KLHDC4: variants seen among roughly 807,000 people sequenced by gnomAD.
KLHDC4 encodes kelch domain containing 4, also known as kelch domain-containing protein 4.
Under a neutral mutation model 62.4 loss-of-function variants are expected in KLHDC4, and 90 were observed. The ratio of observed to expected loss-of-function variants is 1.44; its 90% CI spans 1.22 to 1.72. KLHDC4 has a LOEUF of 1.72. Ranked by LOEUF, KLHDC4 falls within the 40% of genes most tolerant of loss-of-function variation. The pLI is 0.00. For synonymous variants in KLHDC4, 386 were observed against 284.4 expected (o/e 1.36, Z -3.59); for missense variants, 1,025 against 699.7 (o/e 1.47, Z -5.25).
chr16:87,709,197 C>T lies in KLHDC4; in HGVS notation c.1447+68G>A, dbSNP rs530248531. The T allele has an allele frequency of 1.1e-5, 17 of 1,539,298 alleles. No individual in the cohort carries two copies. In the East Asian group the frequency reaches 1.4e-4, roughly 12 times the overall value. ...CTGGGCAGCTTGCAGGGCTTGCTTT[C>T]GAGGGACGCGACACACGACCGTGGG... On this transcript the variant is annotated intron_variant, in intron 10 of 11. Coordinates refer to ENST00000270583, the MANE Select transcript of KLHDC4 (RefSeq NM_017566.4).
intron 7 of KLHDC4, among the ~76,000 whole-genome samples, chr16:87,718,712 T>A (rs1422677267): frequency 6.9e-6 from 1 of 144,464 alleles, no homozygotes; most frequent in South Asian, 2.3e-4. Context: ...GGAGCCCCTC[T>A]GCCCGGCTGC....
Position 87,762,013 on chromosome 16 carries a change from A to G in KLHDC4, c.127T>C (p.Phe43Leu). Residue 43 changes from phenylalanine to leucine, a missense_variant, in exon 2 of 12, where the codon TTC becomes CTC. Physicochemically the swap from Phe to Leu is conservative, Grantham distance 22. Transcript: ENST00000270583. ...EEDLEALIAHFQTLDAKRTQT... is the reference protein window; with the variant it reads ...EEDLEALIAHLQTLDAKRTQT... ...GTCCTCTTGGCATCGAGTGTCTGGAAATGGGCTATGAGCGCTTCCAGGTCT... is the reference window on the plus strand; with the variant it reads ...GTCCTCTTGGCATCGAGTGTCTGGAGATGGGCTATGAGCGCTTCCAGGTCT... 6.2e-7 allele frequency: 1 copy of G among 1,613,992 alleles called. No individual in the cohort carries two copies. Among genetic ancestry groups the G allele is most frequent in the Non-Finnish European group, 8.5e-7 (1 of 1,179,954 alleles).
downstream of KLHDC4, among the ~76,000 whole-genome samples, chr16:87,704,943 G>C (rs958689020): frequency 6.6e-6 from 1 of 152,152 alleles, no homozygotes; most frequent in South Asian, 2.1e-4. Flanking sequence ...GGAGCATGGA[G>C]AACAAGACGA....
In KLHDC4 at chr16:87,708,039, G is replaced by A. The variant is rs1426978483; in HGVS notation, c.*38C>T. ...ACGGCTGGGTCCTGGGCGGACGTGG[G>A]CACAGCACTTGCCAGGCGCCCCTGG... is the stretch of plus-strand genomic sequence containing the variant. On this transcript the variant is annotated 3_prime_UTR_variant, in exon 12 of 12. Transcript: ENST00000270583. The A allele has an allele frequency of 1.9e-6, 1 of 526,146 alleles. No homozygotes were observed. The highest frequency in any genetic ancestry group is 2.2e-5 in the Admixed American group (1 of 44,464). The allele number at this position is 526,146 out of a possible 1,614,324, so 32.6% of individuals were successfully genotyped here. A position where few individuals can be genotyped will look rare whatever the true frequency, so the allele number is the denominator to read the frequency against.
intron 5 of KLHDC4, among the ~76,000 whole-genome samples, chr16:87,747,262 T>TGA (rs200277229): frequency 0.027 from 4,145 of 152,234 alleles, 187 homozygotes; most frequent in African/African-American, 0.094. Context: ...CACAGAGACT[T>TGA]CACTCTCCTC....
At chr16:87,730,097 G>A (rs73244215) in intron 6 of KLHDC4, among the ~76,000 whole-genome samples, 10,297 of 152,244 alleles carry the variant, frequency 0.068, 425 homozygotes, top group South Asian at 0.16. Context: ...GAGATTACAG[G>A]CACCTGCCAC....
intron 3 of KLHDC4, chr16:87,755,738 T>A (rs985368916): frequency 5.6e-6 from 1 of 180,006 alleles, no homozygotes; most frequent in Non-Finnish European, 1.2e-5. Context: ...CTAATTTTTG[T>A]ATCGTTAGCA....
exon 1 of KLHDC4, chr16:87,702,324 G>A (rs1420462640): frequency 4.4e-6 from 2 of 455,728 alleles, no homozygotes; most frequent in African/African-American, 4.0e-5. Context: ...AGGCCCTGGG[G>A]TCAGGCTGAG....
intron 5 of KLHDC4, among the ~76,000 whole-genome samples, chr16:87,741,115 A>T (rs1487165139): frequency 6.6e-6 from 1 of 152,210 alleles, no homozygotes; most frequent in Non-Finnish European, 1.5e-5. Flanking sequence ...GGAGAAGATG[A>T]GGGACTGTTA....
At chr16:87,748,013 C>T (rs183227965) in intron 5 of KLHDC4, among the ~76,000 whole-genome samples, 5 of 152,320 alleles carry the variant, frequency 3.3e-5, no homozygotes, top group Non-Finnish European at 7.4e-5. Context: ...TAGAAGGACA[C>T]TAACAACTCT....
rs548441340 is a variant in KLHDC4 at position 87,745,854 on chromosome 16, G to A, written c.506+2819C>T. Among the ~76,000 whole-genome samples, 17 of 152,302 alleles carry A rather than the reference G, an allele frequency of 1.1e-4. No individual in the cohort carries two copies. The East Asian group carries it at 2.3e-3, about 21-fold the overall frequency. ...CATCTCCTGCAGACCATTTGTCACC[G>A]CTGTGCGTCTCGTCAGGGTCTTAAC... On this transcript the variant is annotated intron_variant, in intron 5 of 11. Coordinates refer to ENST00000270583, the MANE Select transcript of KLHDC4 (RefSeq NM_017566.4).
intron 5 of KLHDC4, among the ~76,000 whole-genome samples, chr16:87,737,860 G>A (rs2041606081): frequency 6.6e-6 from 1 of 152,014 alleles, no homozygotes; most frequent in South Asian, 2.1e-4. Context: ...CAAAGTGCTG[G>A]GATTACAGGT....
chr16:87,716,784 T>C (rs2037084228), intron 7 of KLHDC4, among the ~76,000 whole-genome samples: 1 of 152,084 alleles, frequency 6.6e-6, no homozygotes, highest in Admixed American at 6.5e-5. Context: ...ACAAAAAAAT[T>C]AGCCAGGCAC....
chr16:87,744,774 AAAC>A (rs1371162262), intron 5 of KLHDC4, among the ~76,000 whole-genome samples: 2 of 152,242 alleles, frequency 1.3e-5, no homozygotes, highest in East Asian at 1.9e-4. Context: ...AAAACCTCAG[AAAC>A]AATACAGACC....
At chr16:87,722,058 A>G (rs575879517) in intron 7 of KLHDC4, among the ~76,000 whole-genome samples, 207 of 152,266 alleles carry the variant, frequency 1.4e-3, no homozygotes, top group African/African-American at 4.8e-3. Flanking sequence ...GGAAGCACAT[A>G]CTAAGGACTG....
chr16:87,764,623 G>A (rs1469090619), intron 1 of KLHDC4, among the ~76,000 whole-genome samples: 1 of 125,108 alleles, frequency 8.0e-6, no homozygotes, highest in East Asian at 2.3e-4. Flanking sequence ...ACTCCACCCT[G>A]GGCAACAAGA....
intron 9 of KLHDC4, 50 bp from the exon 10 acceptor site, chr16:87,709,717 G>C (rs779403401): frequency 1.3e-6 from 2 of 1,500,080 alleles, no homozygotes; most frequent in African/African-American, 2.8e-5. Flanking sequence ...CGAGGCAGGG[G>C]TCATTCCTGC....
intron 5 of KLHDC4, chr16:87,741,041 T>A (rs543023449): frequency 5.4e-4 from 83 of 152,304 alleles, no homozygotes; most frequent in African/African-American, 1.9e-3. Context: ...GAGGTCAGCA[T>A]TGCCATTACC....
At chr16:87,723,830 A>G (rs912869448) in intron 7 of KLHDC4, among the ~76,000 whole-genome samples, 3 of 152,230 alleles carry the variant, frequency 2.0e-5, no homozygotes, top group Non-Finnish European at 4.4e-5. Flanking sequence ...TGGAGAATAA[A>G]AAGCCTTTTC....
Sources: allele counts gnomAD v4.1 joint callset (sites outside exome capture counted in the v4.1 genomes callset), GRCh38; gene constraint gnomAD v4.1.1; transcripts MANE v1.5; gene names NCBI Gene and HGNC (gene_info 2026-07-23, HGNC 2026-07-21).